Variants in FRMPD4 observed in about 807,000 individuals in gnomAD.
FRMPD4 encodes the protein FERM and PDZ domain containing 4.
A neutral mutation model predicts 94.1 loss-of-function variants in FRMPD4; 22 were observed. The ratio of observed to expected loss-of-function variants is 0.23; its 90% CI spans 0.17 to 0.33. The LOEUF (loss-of-function observed/expected upper bound fraction) is 0.33, where lower values mean the gene tolerates loss of function less well. Among genes scored for constraint, FRMPD4 ranks in the 10% least tolerant of loss-of-function variants. The pLI is 1.00. For missense variants in FRMPD4, 1,111 were observed against 1,339.9 expected, an observed-to-expected ratio of 0.83 and a Z score of 2.67; for synonymous variants, 631 against 548.6, an observed-to-expected ratio of 1.15 and a Z score of -2.10.
At chrX:12,211,145 T>C (rs2056751860) in intron 1 of FRMPD4, among the ~76,000 whole-genome samples, 1 of 112,340 alleles carries the variant, frequency 8.9e-6, no homozygotes, top group African/African-American at 3.2e-5. Flanking sequence ...CAGTTCTCAC[T>C]AACGGGATTG....
At chrX:12,204,421 G>A (rs779513750) in intron 1 of FRMPD4, among the ~76,000 whole-genome samples, 5 of 111,989 alleles carry the variant, frequency 4.5e-5, no homozygotes, top group Non-Finnish European at 9.4e-5. Context: ...GCCCTTTGAT[G>A]CTGCTGCCTT....
At chrX:12,212,248 A>T (rs2056762688) in intron 1 of FRMPD4, among the ~76,000 whole-genome samples, 1 of 112,082 alleles carries the variant, frequency 8.9e-6, no homozygotes, top group Non-Finnish European at 1.9e-5. Context: ...TACAAAAAAG[A>T]TCAGTGGGCT....
rs1261793835 is a variant in FRMPD4 at position 12,491,627 on chromosome X, T to C, written c.42-7053T>C. Among the ~76,000 whole-genome samples the C allele has an allele frequency of 1.8e-5, 2 of 112,454 alleles. 1 individual carries two copies. Among genetic ancestry groups the C allele is most frequent in the Middle Eastern group, 8.4e-3 (2 of 237 alleles). On this transcript the variant is annotated intron_variant, in intron 1 of 16. Coordinates refer to ENST00000675598, the MANE Select transcript of FRMPD4 (RefSeq NM_001368397.1). ...CAGCAGTTATTCAACAAATGGCATT[T>C]CAACACACATGTATTCTTACCCACT...
At chrX:11,882,311 G>A (rs2053818469) in intron 3 of FRMPD4, among the ~76,000 whole-genome samples, 1 of 110,868 alleles carries the variant, frequency 9.0e-6, no homozygotes, top group Non-Finnish European at 1.9e-5. Context: ...AGGTACAAAG[G>A]GGTCGAAGAG....
intron 1 of FRMPD4, among the ~76,000 whole-genome samples, chrX:12,325,126 A>C (rs922861544): frequency 1.3e-4 from 15 of 112,691 alleles, no homozygotes; most frequent in African/African-American, 4.5e-4. Context: ...TTTGTTATAC[A>C]ATAATATATG....
intron 3 of FRMPD4, among the ~76,000 whole-genome samples, chrX:11,927,417 C>G (rs1352348167): frequency 9.0e-6 from 1 of 111,411 alleles, no homozygotes; most frequent in African/African-American, 3.3e-5. Flanking sequence ...CATGTGGAAC[C>G]AAAAAGGAGC....
intron 4 of FRMPD4, among the ~76,000 whole-genome samples, chrX:12,625,090 T>C (rs905111478): frequency 2.4e-4 from 27 of 111,703 alleles, no homozygotes; most frequent in African/African-American, 8.5e-4. Flanking sequence ...TGAGATGTCA[T>C]CTCACCACAG....
At chrX:11,929,387 G>T (rs1049503786) in intron 3 of FRMPD4, among the ~76,000 whole-genome samples, 1 of 112,442 alleles carries the variant, frequency 8.9e-6, no homozygotes, top group Admixed American at 9.4e-5. Context: ...CCTGTTCTCA[G>T]TGTTGACTTC....
intron 1 of FRMPD4, among the ~76,000 whole-genome samples, chrX:12,294,420 A>G (rs1252543366): frequency 9.1e-6 from 1 of 109,808 alleles, no homozygotes; most frequent in Non-Finnish European, 1.9e-5. Context: ...GAAACATTGT[A>G]TGAATATCAA....
intron 2 of FRMPD4, among the ~76,000 whole-genome samples, chrX:12,586,686 A>T (rs941850260): frequency 8.9e-6 from 1 of 112,025 alleles, no homozygotes; most frequent in African/African-American, 3.2e-5. Flanking sequence ...GAACCTGCCC[A>T]AAACATTATT....
intron 1 of FRMPD4, among the ~76,000 whole-genome samples, chrX:12,462,388 G>A (rs1418774267): frequency 3.6e-5 from 4 of 111,977 alleles, no homozygotes; most frequent in Non-Finnish European, 7.5e-5. Flanking sequence ...GAACAGAATG[G>A]ATAACTTTTT....
intron 3 of FRMPD4, among the ~76,000 whole-genome samples, chrX:11,888,935 A>G (rs751958423): frequency 2.1e-4 from 24 of 112,513 alleles, no homozygotes; most frequent in Admixed American, 1.5e-3. Context: ...ACAAAACACA[A>G]CAAAGCAAAA....
intron 3 of FRMPD4, among the ~76,000 whole-genome samples, chrX:12,021,107 C>T (rs1355634844): frequency 3.6e-5 from 4 of 111,780 alleles, no homozygotes; most frequent in East Asian, 2.8e-4. Context: ...GATATACCCA[C>T]GAGTCAATGC....
chrX:12,471,100 C>T (rs1210298235), intron 1 of FRMPD4, among the ~76,000 whole-genome samples: 1 of 112,266 alleles, frequency 8.9e-6, no homozygotes, highest in Non-Finnish European at 1.9e-5. Context: ...TCCCAATGGA[C>T]AGCATTCAAA....
chrX:12,060,407 C>CTT (rs34618179), intron 3 of FRMPD4, among the ~76,000 whole-genome samples: 6 of 93,344 alleles, frequency 6.4e-5, no homozygotes, highest in East Asian at 6.6e-4. Context: ...GTTTATGTGT[C>CTT]TTTTTTTTTT....
At chrX:12,177,259 G>C (rs1213139276) in intron 1 of FRMPD4, among the ~76,000 whole-genome samples, 4 of 112,292 alleles carry the variant, frequency 3.6e-5, no homozygotes, top group Non-Finnish European at 7.5e-5. Context: ...GAAGCAGGGT[G>C]GTAGCCACGT....
chrX:12,335,949 T>C (rs139739636), intron 1 of FRMPD4, among the ~76,000 whole-genome samples: 5,505 of 112,414 alleles, frequency 0.049, 331 homozygotes, highest in African/African-American at 0.17. Flanking sequence ...GACTGCACCT[T>C]TTCAAAGGAA....
At chrX:11,866,661 A>G (rs1221451940) in intron 2 of FRMPD4, among the ~76,000 whole-genome samples, 1 of 112,456 alleles carries the variant, frequency 8.9e-6, no homozygotes, top group East Asian at 2.8e-4. Context: ...TTAATATATT[A>G]AGAGATCTTA....
At chrX:12,408,973 A>G (rs1338903933) in intron 1 of FRMPD4, among the ~76,000 whole-genome samples, 1 of 110,988 alleles carries the variant, frequency 9.0e-6, no homozygotes, top group Non-Finnish European at 1.9e-5. Flanking sequence ...GGCAAACCTC[A>G]CCTTCACATG....
Sources: gnomAD v4.1 joint callset for allele counts (sites outside exome capture counted in the v4.1 genomes callset) on GRCh38, gnomAD v4.1.1 for gene constraint, MANE v1.5 for transcripts, NCBI Gene and HGNC (gene_info 2026-07-23, HGNC 2026-07-21) for gene names.